The following SSBP2 variants were observed in gnomAD, a reference collection of about 807,000 sequenced individuals.
SSBP2 encodes single-stranded DNA-binding protein 2.
Under a neutral mutation model 61.8 loss-of-function variants are expected in SSBP2, and 17 were observed. That is an observed-to-expected ratio of 0.28 (90% CI 0.19 to 0.41). The LOEUF (loss-of-function observed/expected upper bound fraction) is 0.41. Ranked by LOEUF, SSBP2 falls within the 10% of genes least tolerant of loss-of-function variation. The pLI is 1.00. For missense variants in SSBP2, 310 were observed against 458.7 expected, an observed-to-expected ratio of 0.68 and a Z score of 2.96; for synonymous variants, 139 against 141.3, an observed-to-expected ratio of 0.98 and a Z score of 0.12.
intron 15 of SSBP2, among the ~76,000 whole-genome samples, chr5:81,429,159 C>T (rs1396998248): frequency 2.0e-5 from 3 of 152,248 alleles, no homozygotes; most frequent in South Asian, 4.2e-4. Context: ...ACTATTTCAA[C>T]CATTTTTACA....
At chr5:81,480,384 C>T (rs6865796) in intron 6 of SSBP2, among the ~76,000 whole-genome samples, 44,285 of 152,008 alleles carry the variant, frequency 0.29, 7,017 homozygotes, top group African/African-American at 0.39. Context: ...TACACCATAC[C>T]GTAGTCTATT....
chr5:81,586,521 C>T (rs1775063392), intron 4 of SSBP2, among the ~76,000 whole-genome samples: 1 of 149,924 alleles, frequency 6.7e-6, no homozygotes, highest in South Asian at 2.1e-4. Flanking sequence ...TAGCTTATTA[C>T]ATATGTCATA....
intron 4 of SSBP2, among the ~76,000 whole-genome samples, chr5:81,537,982 T>C (rs930840028): frequency 7.9e-5 from 12 of 152,108 alleles, no homozygotes; most frequent in African/African-American, 2.9e-4. Context: ...AACCCTATAA[T>C]GGCCCCTAAG....
chr5:81,628,585 T>C (rs1268804555), intron 3 of SSBP2, among the ~76,000 whole-genome samples: 2 of 152,220 alleles, frequency 1.3e-5, no homozygotes, highest in Non-Finnish European at 2.9e-5. Flanking sequence ...CATTTTTATT[T>C]CTGGAACTAA....
At chr5:81,536,940 G>C (rs1370351722) in intron 4 of SSBP2, among the ~76,000 whole-genome samples, 1 of 151,648 alleles carries the variant, frequency 6.6e-6, no homozygotes, top group African/African-American at 2.4e-5. Flanking sequence ...GGAGGCGGAG[G>C]TTGCAGTGAA....
intron 4 of SSBP2, among the ~76,000 whole-genome samples, chr5:81,519,211 A>G (rs1186908459): frequency 2.0e-5 from 3 of 152,190 alleles, no homozygotes; most frequent in African/African-American, 4.8e-5. Flanking sequence ...ACACAGCAGT[A>G]AAGCAGTAAA....
At chr5:81,440,659 C>G in intron 13 of SSBP2, 23 bp from the exon 14 acceptor site, 1 of 1,531,000 alleles carries the variant, frequency 6.5e-7, no homozygotes, top group Non-Finnish European at 8.9e-7. Flanking sequence ...TGAAGAAAAT[C>G]ACTGTAATCA....
intron 4 of SSBP2, among the ~76,000 whole-genome samples, chr5:81,517,594 G>A (rs1329500036): frequency 2.0e-5 from 3 of 151,704 alleles, no homozygotes; most frequent in Non-Finnish European, 4.4e-5. Context: ...CTTACATTTT[G>A]TTCAGTTTGT....
intron 10 of SSBP2, among the ~76,000 whole-genome samples, chr5:81,455,169 A>C (rs1156893256): frequency 6.6e-6 from 1 of 151,978 alleles, no homozygotes; most frequent in African/African-American, 2.4e-5. Flanking sequence ...CGTTCAAAAA[A>C]AAACAAAAAA....
chr5:81,467,357 A>T (rs1764959274), intron 8 of SSBP2, among the ~76,000 whole-genome samples: 1 of 152,046 alleles, frequency 6.6e-6, no homozygotes, highest in Non-Finnish European at 1.5e-5. Flanking sequence ...AACATTTTCA[A>T]ATGAAACATA....
At chr5:81,588,299 T>C (rs1377355839) in intron 4 of SSBP2, among the ~76,000 whole-genome samples, 1 of 152,104 alleles carries the variant, frequency 6.6e-6, no homozygotes, top group Non-Finnish European at 1.5e-5. Context: ...TACATTATCT[T>C]ATATATAAAG....
chr5:81,622,895 G>A (rs1425308853), intron 3 of SSBP2, among the ~76,000 whole-genome samples: 2 of 152,140 alleles, frequency 1.3e-5, no homozygotes, highest in South Asian at 2.1e-4. Flanking sequence ...GAAAAACTGC[G>A]TATCGACATT....
chr5:81,503,847 A>T (rs1470420295), intron 5 of SSBP2, among the ~76,000 whole-genome samples: 1 of 152,220 alleles, frequency 6.6e-6, no homozygotes, highest in Non-Finnish European at 1.5e-5. Flanking sequence ...ACATGGATGG[A>T]GCTGGAGGCC....
intron 1 of SSBP2, among the ~76,000 whole-genome samples, chr5:81,675,123 CATATACTGAGCACAAACAT>C (rs1751854453): frequency 6.6e-6 from 1 of 152,134 alleles, no homozygotes; most frequent in Non-Finnish European, 1.5e-5. Context: ...TCCCCAAACA[CATATACTGAGCACAAACAT>C]ATACACATGC....
intron 4 of SSBP2, among the ~76,000 whole-genome samples, chr5:81,611,114 A>T (rs1745398791): frequency 6.6e-6 from 1 of 152,234 alleles, no homozygotes; most frequent in South Asian, 2.1e-4. Context: ...CTTATCTCAT[A>T]GTATACATTC....
rs1762749008 is a variant in SSBP2 at position 81,437,534 on chromosome 5, T to C, written c.929-76A>G. The C allele has an allele frequency of 3.1e-6, 4 of 1,276,100 alleles. No homozygotes were observed. In the East Asian group the frequency reaches 9.4e-5, roughly 30 times the overall value. 79.0% of individuals were successfully genotyped at this position (1,276,100 alleles called of 1,614,324 possible). A position where few individuals can be genotyped will look rare whatever the true frequency, so the allele number is the denominator to read the frequency against. On this transcript the variant is annotated intron_variant, in intron 14 of 16. Coordinates refer to ENST00000320672, the MANE Select transcript of SSBP2 (RefSeq NM_012446.5). ...AAATTAAACACTCCTTTAATTTAAA[T>C]AAGTGAAGTATACTATATGTATTTT...
intron 4 of SSBP2, among the ~76,000 whole-genome samples, chr5:81,550,237 T>C (rs565714395): frequency 2.0e-5 from 3 of 152,334 alleles, no homozygotes; most frequent in African/African-American, 7.2e-5. Flanking sequence ...TCTGATACTA[T>C]TGTTGTCTCT....
intron 4 of SSBP2, among the ~76,000 whole-genome samples, chr5:81,527,060 G>A (rs1047364388): frequency 2.0e-5 from 3 of 152,064 alleles, no homozygotes; most frequent in Admixed American, 2.0e-4. Flanking sequence ...AGGGTGGGGA[G>A]GGGAGTGACA....
At chr5:81,423,805 A>G (rs1034154151) in intron 16 of SSBP2, among the ~76,000 whole-genome samples, 2 of 152,162 alleles carry the variant, frequency 1.3e-5, no homozygotes, top group African/African-American at 4.8e-5. Context: ...AATAGTGTTG[A>G]AAATATAGAA....
Sources: gnomAD v4.1 joint callset for allele counts (sites outside exome capture counted in the v4.1 genomes callset) on GRCh38, gnomAD v4.1.1 for gene constraint, MANE v1.5 for transcripts, NCBI Gene and HGNC (gene_info 2026-07-23, HGNC 2026-07-21) for gene names.